The following CR2 variants were observed in gnomAD, a reference collection of about 807,000 sequenced individuals.
CR2 encodes complement receptor type 2.
In CR2, 96 loss-of-function variants were observed where a neutral mutation model predicts 123.0. The observed-to-expected ratio is 0.78, with a 90% confidence interval of 0.66 to 0.93. The LOEUF (loss-of-function observed/expected upper bound fraction) is 0.93, where lower values mean the gene tolerates loss of function less well. Ranked by LOEUF, CR2 falls within the 40% of genes least tolerant of loss-of-function variation. CR2 has a pLI of 0.00. For synonymous variants in CR2, 484 were observed against 469.5 expected (o/e 1.03, Z -0.40); for missense variants, 1,258 against 1,361.0 (o/e 0.92, Z 1.19).
chr1:207,478,131 T>C, intron 16 of CR2, 61 bp downstream of exon 16: 1 of 1,546,816 alleles, frequency 6.5e-7, no homozygotes, highest in Non-Finnish European at 8.8e-7. Flanking sequence ...AGAGTGAGAG[T>C]TTCCCTCAGC....
At chr1:207,466,493 G>A (rs748021070) in intron 1 of CR2, 33 bp from the exon 2 acceptor site, 1 of 1,613,072 alleles carries the variant, frequency 6.2e-7, no homozygotes, top group Non-Finnish European at 8.5e-7. Flanking sequence ...ACCATGATCA[G>A]TATGCCTACC....
intron 1 of CR2, among the ~76,000 whole-genome samples, chr1:207,465,639 T>C (rs1313286271): frequency 1.3e-5 from 2 of 152,222 alleles, no homozygotes; most frequent in Non-Finnish European, 2.9e-5. Flanking sequence ...TCTTCTTATG[T>C]CAGTTTTCAC....
At chr1:207,479,414 AC>A in intron 17 of CR2, 134 bp downstream of exon 17, 2 of 666,378 alleles carry the variant, frequency 3.0e-6, no homozygotes, top group Non-Finnish European at 5.3e-6. Context: ...TTTTAAAGAT[AC>A]TTCAATGTAC....
intron 9 of CR2, 105 bp downstream of exon 9, chr1:207,471,604 T>C (rs984225849): frequency 3.6e-6 from 3 of 822,522 alleles, no homozygotes; most frequent in Non-Finnish European, 6.4e-6. Context: ...TATTAGATTC[T>C]GTTCTATTGA....
At chr1:207,469,042 A>G (rs1048415960) in intron 4 of CR2, 108 bp from the exon 5 acceptor site, 1 of 1,339,800 alleles carries the variant, frequency 7.5e-7, no homozygotes, top group African/African-American at 1.4e-5. Flanking sequence ...TGATAAAAGG[A>G]ACAGATGCAC....
Position 207,469,744 on chromosome 1 carries a change from C to A in CR2, c.867C>A (p.Gly289=), listed in dbSNP as rs1021973339. 6.2e-7 allele frequency: 1 copy of A among 1,613,780 alleles called. No individual in the cohort carries two copies. The highest frequency in any genetic ancestry group is 1.3e-5 in the African/African-American group (1 of 74,870). Residue 289 remains glycine, a synonymous_variant, in exon 6 of 20, where the codon GGC becomes GGA. Coordinates refer to ENST00000367057, the MANE Select transcript of CR2 (RefSeq NM_001006658.3). ...PPPILNGRHI[G]NSLANVSYGS... ...CTATTCTCAATGGAAGACATATAGG[C>A]AACTCACTAGCAAATGTCTCATATG...
intron 18 of CR2, among the ~76,000 whole-genome samples, chr1:207,480,314 G>T (rs1658569772): frequency 6.6e-6 from 1 of 152,042 alleles, no homozygotes; most frequent in Non-Finnish European, 1.5e-5. Flanking sequence ...AATCCCAGTG[G>T]GAACGACTGC....
intron 7 of CR2, 37 bp downstream of exon 7, chr1:207,470,953 A>C (rs377088084): frequency 1.7e-5 from 28 of 1,613,686 alleles, no homozygotes; most frequent in Non-Finnish European, 1.4e-5. Flanking sequence ...TGTTAACTTT[A>C]AGATTGCCTT....
intron 1 of CR2, among the ~76,000 whole-genome samples, chr1:207,459,173 G>A (rs1657908013): frequency 2.0e-5 from 3 of 152,194 alleles, no homozygotes; most frequent in African/African-American, 7.2e-5. Context: ...ACAGGCAGAT[G>A]CCGGAAGGAT....
rs1324372314 is a variant in CR2, at chr1:207,474,262, T to G, written c.2262T>G (p.Ala754=). The part of the protein sequence containing the change: ...CQDGYQLTGH[A]YQMCQDAENG... ...GTAGGTACCAGTTGACTGGACATGC[T>G]TATCAGATGTGTCAAGATGCTGAAA... is the stretch of plus-strand genomic sequence containing the variant. Residue 754 remains alanine, a synonymous_variant, in exon 13 of 20, where the codon GCT becomes GCG. Coordinates refer to ENST00000367057, the MANE Select transcript of CR2 (RefSeq NM_001006658.3). The G allele has an allele frequency of 6.2e-7, 1 of 1,613,114 alleles. No homozygotes were observed. The highest frequency in any genetic ancestry group is 1.3e-5 in the African/African-American group (1 of 74,896).
rs374563684 is a variant in CR2, at chr1:207,473,677, G to A, written c.2111G>A (p.Cys704Tyr). The change falls in exon 11 of 20, where the codon TGT becomes TAT. Residue 704 changes from cysteine to tyrosine, a missense_variant. Cys to Tyr is a radical substitution (Grantham distance 194). Transcript: ENST00000367057. ...CTTGTGGGAAACAAATCCATTCACTGTATGCCTTCAGGAAATTGGAGTCCT... is the reference window on the plus strand; with the variant it reads ...CTTGTGGGAAACAAATCCATTCACTATATGCCTTCAGGAAATTGGAGTCCT... ...YLLVGNKSIH[C>Y]MPSGNWSPSA... The A allele has an allele frequency of 1.9e-5, 31 of 1,613,906 alleles. No homozygotes were observed. The highest frequency in any genetic ancestry group is 2.5e-5 in the Non-Finnish European group (29 of 1,179,910).
intron 2 of CR2, 148 bp downstream of exon 2, chr1:207,467,060 C>T (rs1658121952): frequency 5.0e-6 from 5 of 997,138 alleles, no homozygotes; most frequent in South Asian, 2.1e-5. Flanking sequence ...AAAGTTATGG[C>T]TTCTTCGTGG....
Position 207,481,542 on chromosome 1 carries a change from G to A in CR2, c.3188+1489G>A, listed in dbSNP as rs536206957. ...TAGGCTATAGAATTATTTGCACCAC[G>A]ACTACACCTCCCATACCCTAGAAAA... On this transcript the variant is annotated intron_variant, in intron 18 of 19. Coordinates refer to ENST00000367057, the MANE Select transcript of CR2 (RefSeq NM_001006658.3). 8.6e-5 allele frequency among the ~76,000 whole-genome samples: 13 copies of A among 151,840 alleles called. No individual in the cohort carries two copies. In the East Asian group the frequency reaches 1.7e-3, roughly 20 times the overall value.
chr1:207,460,151 C>T (rs1039427436), intron 1 of CR2, among the ~76,000 whole-genome samples: 7 of 152,154 alleles, frequency 4.6e-5, no homozygotes, highest in East Asian at 3.8e-4. Flanking sequence ...ACTAGAGTCA[C>T]TAGTACAAGT....
chr1:207,461,119 T>A (rs1242354067), intron 1 of CR2, among the ~76,000 whole-genome samples: 4 of 149,356 alleles, frequency 2.7e-5, no homozygotes, highest in African/African-American at 1.0e-4. Context: ...TTATGTGCAG[T>A]TTTTTTGTGT....
intron 1 of CR2, among the ~76,000 whole-genome samples, chr1:207,456,582 AT>A (rs1657840081): frequency 6.6e-6 from 1 of 152,154 alleles, no homozygotes; most frequent in Admixed American, 6.5e-5. Flanking sequence ...ACAGTTTCAA[AT>A]TTCCTACACT....
rs750302661 is a variant in CR2 at position 207,473,852 on chromosome 1, G to A, written c.2207G>A (p.Arg736His). 2.7e-5 allele frequency: 43 copies of A among 1,613,810 alleles called. No homozygotes were observed. Among genetic ancestry groups the A allele is most frequent in the Admixed American group, 1.5e-4 (9 of 59,978 alleles). ...QSLQELPAGSRVELVNTSCQD... is the reference protein window; with the variant it reads ...QSLQELPAGSHVELVNTSCQD... ...CTTCAAGAACTTCCAGCTGGTTCAC[G>A]TGTGGAGCTAGTTAATACGTCCTGC... The change falls in exon 12 of 20, where the codon CGT becomes CAT. Residue 736 changes from arginine to histidine, a missense_variant. Physicochemically the swap from Arg to His is conservative, Grantham distance 29. Coordinates refer to ENST00000367057, the MANE Select transcript of CR2 (RefSeq NM_001006658.3).
Position 207,471,060 on chromosome 1 carries a change from C to G in CR2, c.1466C>G (p.Pro489Arg). Residue 489 changes from proline to arginine, a missense_variant, in exon 8 of 20, where the codon CCA becomes CGA. Coordinates refer to ENST00000367057, the MANE Select transcript of CR2 (RefSeq NM_001006658.3). ...AAACCCCAGCACCAATTTGTTAGAC[C>G]AGATGTCAACTCTTCTTGTGGTGAA... ...LTKPQHQFVRPDVNSSCGEGY... is the reference protein window; with the variant it reads ...LTKPQHQFVRRDVNSSCGEGY... 6.2e-7 allele frequency: 1 copy of G among 1,613,632 alleles called. No individual in the cohort carries two copies. The highest frequency in any genetic ancestry group is 2.2e-5 in the East Asian group (1 of 44,882).
At chr1:207,459,186 T>G (rs1045677731) in intron 1 of CR2, among the ~76,000 whole-genome samples, 2 of 152,208 alleles carry the variant, frequency 1.3e-5, no homozygotes, top group Admixed American at 6.5e-5. Flanking sequence ...GGAAGGATGT[T>G]CTTGTAGGGT....
Sources: allele counts gnomAD v4.1 joint callset (sites outside exome capture counted in the v4.1 genomes callset), GRCh38; gene constraint gnomAD v4.1.1; transcripts MANE v1.5; gene names NCBI Gene and HGNC (gene_info 2026-07-23, HGNC 2026-07-21).